BCL11A: variants seen among roughly 807,000 people sequenced by gnomAD.
The protein encoded by BCL11A is BCL11 transcription factor A.
Under a neutral mutation model 55.9 loss-of-function variants are expected in BCL11A, and 2 were observed. The ratio of observed to expected loss-of-function variants is 0.04; its 90% CI spans 0.01 to 0.11. BCL11A has a LOEUF of 0.11. Ranked by LOEUF, BCL11A falls within the 10% of genes least tolerant of loss-of-function variation. The probability of loss-of-function intolerance (pLI) is 1.00; values close to 1 mark genes in which losing one functional copy is unlikely to be tolerated. For missense variants in BCL11A, 817 were observed against 1,137.1 expected, an observed-to-expected ratio of 0.72 and a Z score of 4.05; for synonymous variants, 465 against 473.4, an observed-to-expected ratio of 0.98 and a Z score of 0.23.
intron 2 of BCL11A, among the ~76,000 whole-genome samples, chr2:60,510,966 G>A (rs747701217): frequency 2.6e-5 from 4 of 152,248 alleles, no homozygotes; most frequent in Non-Finnish European, 4.4e-5. Context: ...CTAAGGCTTA[G>A]GTGGAGCCTC....
chr2:60,543,929 T>C (rs1670038449), intron 2 of BCL11A: 1 of 152,256 alleles, frequency 6.6e-6, no homozygotes, highest in South Asian at 2.1e-4. Context: ...TTATACTTGT[T>C]CTTTAAAAAA....
At chr2:60,455,899 T>C (rs1019509814), downstream of BCL11A, among the ~76,000 whole-genome samples, 5 of 152,154 alleles carry the variant, frequency 3.3e-5, no homozygotes, top group African/African-American at 4.8e-5. Context: ...TGGAGAAACC[T>C]AATCCAAAAC....
At chr2:60,509,586 G>C (rs1243623069) in intron 2 of BCL11A, among the ~76,000 whole-genome samples, 1 of 152,166 alleles carries the variant, frequency 6.6e-6, no homozygotes, top group Non-Finnish European at 1.5e-5. Flanking sequence ...GGAAAGAAAT[G>C]CAAGAAACAA....
Position 60,461,892 on chromosome 2 carries a change from T to A in BCL11A, c.1020A>T (p.Gln340His). The change falls in exon 4 of 4, where the codon CAA becomes CAT. Residue 340 changes from glutamine to histidine, a missense_variant. Physicochemically the swap from Gln to His is conservative, Grantham distance 24. Transcript: ENST00000642384. ...PLSPGRPSPM[Q>H]RLLQPFQPGS... Reference sequence around the variant, plus strand: ...CTGGCTGGAATGGTTGCAGTAACCTTTGCATAGGGCTGGGCCGGCCTGGGG... The same window carrying A: ...CTGGCTGGAATGGTTGCAGTAACCTATGCATAGGGCTGGGCCGGCCTGGGG... 4 of 1,614,122 alleles carry A rather than the reference T, an allele frequency of 2.5e-6. No individual in the cohort carries two copies. Among genetic ancestry groups the A allele is most frequent in the Non-Finnish European group, 3.4e-6 (4 of 1,179,982 alleles).
chr2:60,453,661 C>T (rs113671572), downstream of BCL11A, among the ~76,000 whole-genome samples: 1,638 of 152,296 alleles, frequency 0.011, 34 homozygotes, highest in African/African-American at 0.037. Context: ...CCAATCAAAC[C>T]CTTTCGTCCA....
At chr2:60,541,808 G>T in intron 2 of BCL11A, 1 of 602,858 alleles carries the variant, frequency 1.7e-6, no homozygotes, top group South Asian at 2.1e-5. Context: ...TTTTTATTCA[G>T]AATCACATAA....
intron 2 of BCL11A, among the ~76,000 whole-genome samples, 179 bp from the exon 3 acceptor site, chr2:60,469,012 T>C (rs926498405): frequency 6.6e-6 from 1 of 152,230 alleles, no homozygotes; most frequent in Non-Finnish European, 1.5e-5. Context: ...TCCCAGAGTT[T>C]CTGTTTTGTT....
At chr2:60,532,388 TTTTGTTTTGC>T (rs1443595517) in intron 2 of BCL11A, among the ~76,000 whole-genome samples, 1 of 151,870 alleles carries the variant, frequency 6.6e-6, no homozygotes, top group Non-Finnish European at 1.5e-5. Flanking sequence ...AAAGGTTTTG[TTTTGTTTTGC>T]TTTGTTTTTT....
At chr2:60,472,515 C>T (rs1393453830) in intron 2 of BCL11A, among the ~76,000 whole-genome samples, 1 of 152,136 alleles carries the variant, frequency 6.6e-6, no homozygotes, top group Non-Finnish European at 1.5e-5. Flanking sequence ...TGCAAAGTTT[C>T]CTTATGGCTG....
downstream of BCL11A, among the ~76,000 whole-genome samples, chr2:60,454,166 C>T (rs1572940417): frequency 6.6e-6 from 1 of 152,102 alleles, no homozygotes; most frequent in Admixed American, 6.5e-5. Flanking sequence ...AGCAGAAGTG[C>T]AGACCGGACA....
At chr2:60,451,836 A>G (rs1322317776) in exon 5 of BCL11A, 1 of 229,928 alleles carries the variant, frequency 4.3e-6, no homozygotes, top group Non-Finnish European at 8.6e-6. Context: ...CATATTATGC[A>G]TTATTTAATG....
intron 2 of BCL11A, chr2:60,534,111 A>G (rs1669572143): frequency 6.6e-6 from 1 of 152,276 alleles, no homozygotes; most frequent in African/African-American, 2.4e-5. Flanking sequence ...AAAGGCAAAC[A>G]CCAAAATCAC....
At chr2:60,453,283 G>A (rs1420668778), downstream of BCL11A, among the ~76,000 whole-genome samples, 1 of 152,188 alleles carries the variant, frequency 6.6e-6, no homozygotes, top group East Asian at 1.9e-4. Flanking sequence ...TTTTTTGGAA[G>A]GGGGAAGGCA....
Position 60,458,239 on chromosome 2 carries a change from A to T in BCL11A, c.*2165T>A, listed in dbSNP as rs1348025037. On this transcript the variant is annotated 3_prime_UTR_variant, in exon 4 of 4. Coordinates refer to ENST00000642384, the MANE Select transcript of BCL11A (RefSeq NM_022893.4). ...ATGAGTGTGCATTTTCCTATATTTA[A>T]GTACTATATAATCTTAAACCTTTCC... 1 of 1,024,314 alleles carries T rather than the reference A, an allele frequency of 9.8e-7. No homozygotes were observed. The highest frequency in any genetic ancestry group is 5.8e-5 in the Admixed American group (1 of 17,296). 63.5% of individuals were successfully genotyped at this position (1,024,314 alleles called of 1,614,324 possible). A position where few individuals can be genotyped will look rare whatever the true frequency, so the allele number is the denominator to read the frequency against.
At chr2:60,530,411 C>T (rs1669396119) in intron 2 of BCL11A, among the ~76,000 whole-genome samples, 1 of 151,716 alleles carries the variant, frequency 6.6e-6, no homozygotes, top group Admixed American at 6.6e-5. Flanking sequence ...CACCCCACTG[C>T]ACCACGAGCT....
rs556761179 is a variant in BCL11A, at chr2:60,490,543, T to G, written c.386-21710A>C. ...TCCTGCTCATACTTCAAGGCCTCAA[T>G]GAAGGTCTACCTAGTCACCTTAGCA... On this transcript the variant is annotated intron_variant, in intron 2 of 3. Transcript: ENST00000642384. Among the ~76,000 whole-genome samples the G allele has an allele frequency of 6.6e-5, 10 of 152,344 alleles. No individual in the cohort carries two copies. In the South Asian group the frequency reaches 1.7e-3, roughly 25 times the overall value.
chr2:60,473,123 T>C (rs1262419150), intron 2 of BCL11A, among the ~76,000 whole-genome samples: 4 of 152,172 alleles, frequency 2.6e-5, no homozygotes, highest in Non-Finnish European at 5.9e-5. Context: ...AGCATGTGCA[T>C]GCACATGTGT....
At chr2:60,550,173 A>C (rs1670340671) in intron 1 of BCL11A, among the ~76,000 whole-genome samples, 1 of 151,648 alleles carries the variant, frequency 6.6e-6, no homozygotes, top group Non-Finnish European at 1.5e-5. Context: ...TAGAGCGCGC[A>C]CTCCCGGTTC....
rs558002958 is a variant in BCL11A at position 60,492,082 on chromosome 2, A to G, written c.386-23249T>C. ...TTAAGGAGAAGACATACTGATGAAT[A>G]AGACTGAGTTGGTGACAGGCACAGT... On this transcript the variant is annotated intron_variant, in intron 2 of 3. Coordinates refer to ENST00000642384, the MANE Select transcript of BCL11A (RefSeq NM_022893.4). Among the ~76,000 whole-genome samples the G allele has an allele frequency of 5.3e-5, 8 of 152,304 alleles. No individual in the cohort carries two copies. In the East Asian group the frequency reaches 1.5e-3, roughly 29 times the overall value.
Sources: allele counts gnomAD v4.1 joint callset (sites outside exome capture counted in the v4.1 genomes callset), GRCh38; gene constraint gnomAD v4.1.1; transcripts MANE v1.5; gene names NCBI Gene and HGNC (gene_info 2026-07-23, HGNC 2026-07-21).